Variants in HACE1 observed in about 807,000 individuals in gnomAD.
The protein encoded by HACE1 is HECT domain and ankyrin repeat containing E3 ubiquitin protein ligase 1.
HACE1 carries 73 observed loss-of-function variants against 118.4 expected under a neutral mutation model. That is an observed-to-expected ratio of 0.62 (90% CI 0.51 to 0.75). HACE1 has a LOEUF of 0.75. Ranked by LOEUF, HACE1 falls within the 30% of genes least tolerant of loss-of-function variation. HACE1 has a pLI of 0.00. For missense variants in HACE1, 749 were observed against 1,102.2 expected (o/e 0.68, Z 4.54); for synonymous variants, 368 against 374.8 (o/e 0.98, Z 0.21).
chr6:104,852,759 G>C (rs920959301), intron 1 of HACE1, among the ~76,000 whole-genome samples: 1 of 152,096 alleles, frequency 6.6e-6, no homozygotes, highest in Non-Finnish European at 1.5e-5. Context: ...TTCCAAAGAG[G>C]TATTTATAGG....
At chr6:104,803,472 A>G (rs560450194) in intron 7 of HACE1, among the ~76,000 whole-genome samples, 16 of 152,374 alleles carry the variant, frequency 1.1e-4, no homozygotes, top group African/African-American at 3.8e-4. Context: ...TCAATAAAAT[A>G]CCAGAAAACC....
At chr6:104,767,430 C>G (rs1477940215) in intron 19 of HACE1, among the ~76,000 whole-genome samples, 1 of 152,118 alleles carries the variant, frequency 6.6e-6, no homozygotes, top group Non-Finnish European at 1.5e-5. Context: ...CATGCTTCCC[C>G]AAACCAAAAT....
intron 5 of HACE1, among the ~76,000 whole-genome samples, chr6:104,834,928 A>G (rs1483959740): frequency 6.6e-6 from 1 of 152,244 alleles, no homozygotes; most frequent in African/African-American, 2.4e-5. Flanking sequence ...ATAGAATGCA[A>G]GAGGCTTGAA....
chr6:104,799,473 C>G (rs1421126694), intron 7 of HACE1, among the ~76,000 whole-genome samples: 1 of 152,186 alleles, frequency 6.6e-6, no homozygotes, highest in Non-Finnish European at 1.5e-5. Flanking sequence ...ATTCTGAGTG[C>G]TGCCTGATTC....
At chr6:104,799,466 C>G (rs1018773159) in intron 7 of HACE1, among the ~76,000 whole-genome samples, 1 of 152,206 alleles carries the variant, frequency 6.6e-6, no homozygotes, top group African/African-American at 2.4e-5. Flanking sequence ...GCTTCTGATT[C>G]TGAGTGCTGC....
intron 11 of HACE1, chr6:104,787,149 AACC>A (rs1448948462): frequency 2.6e-5 from 4 of 152,184 alleles, no homozygotes; most frequent in Non-Finnish European, 4.4e-5. Flanking sequence ...AAACCAACAA[AACC>A]ACCACTACTA....
In HACE1 at chr6:104,811,247, C is replaced by CATATATATATAT. The variant is rs3995559; in HGVS notation, c.617+52_617+63dup. On this transcript the variant is annotated intron_variant, in intron 7 of 23. Transcript: ENST00000262903. ...AAATATATATATTTCTTTATTTATACATATATATATATATATATATATATA... is the reference window on the plus strand; with the variant it reads ...AAATATATATATTTCTTTATTTATACATATATATATATATATATATATATATATATATATATA... The CATATATATATAT allele has an allele frequency of 6.7e-3, 1,401 of 208,110 alleles. 7 individuals are homozygous for CATATATATATAT. The highest frequency in any genetic ancestry group is 9.3e-3 in the Non-Finnish European group (1,055 of 113,036). 12.9% of individuals were successfully genotyped at this position (208,110 alleles called of 1,614,324 possible).
intron 7 of HACE1, among the ~76,000 whole-genome samples, chr6:104,802,305 C>T (rs1770465665): frequency 6.6e-6 from 1 of 152,120 alleles, no homozygotes. Context: ...ATAGACAGAT[C>T]AACATGACAG....
chr6:104,820,568 C>T (rs1772608559), intron 6 of HACE1, among the ~76,000 whole-genome samples: 1 of 152,014 alleles, frequency 6.6e-6, no homozygotes, highest in Non-Finnish European at 1.5e-5. Context: ...ATATAGGTGG[C>T]CAACAATCAT....
At chr6:104,819,404 A>C (rs1772453331) in intron 6 of HACE1, among the ~76,000 whole-genome samples, 1 of 152,240 alleles carries the variant, frequency 6.6e-6, no homozygotes, top group African/African-American at 2.4e-5. Flanking sequence ...AAACAAATGG[A>C]AAAACATCCC....
At chr6:104,848,669 T>C (rs893865954) in intron 4 of HACE1, among the ~76,000 whole-genome samples, 24 of 152,094 alleles carry the variant, frequency 1.6e-4, no homozygotes, top group African/African-American at 5.6e-4. Context: ...AAATAAACTG[T>C]GTACAATATA....
chr6:104,803,078 A>C (rs1770568265), intron 7 of HACE1, among the ~76,000 whole-genome samples: 1 of 152,232 alleles, frequency 6.6e-6, no homozygotes, highest in African/African-American at 2.4e-5. Flanking sequence ...AGAGAATACT[A>C]TAAACACCTC....
chr6:104,780,984 G>A (rs1781677482), intron 14 of HACE1, among the ~76,000 whole-genome samples: 1 of 152,004 alleles, frequency 6.6e-6, no homozygotes, highest in Non-Finnish European at 1.5e-5. Flanking sequence ...TAGATTTAAG[G>A]TGTGTATCCT....
intron 5 of HACE1, among the ~76,000 whole-genome samples, chr6:104,840,858 G>C (rs1209673213): frequency 1.3e-5 from 2 of 152,200 alleles, no homozygotes; most frequent in Non-Finnish European, 2.9e-5. Context: ...AGCTACTCAG[G>C]AGGCTGAAGC....
At chr6:104,804,373 T>A (rs1411201317) in intron 7 of HACE1, among the ~76,000 whole-genome samples, 2 of 152,192 alleles carry the variant, frequency 1.3e-5, no homozygotes, top group African/African-American at 4.8e-5. Flanking sequence ...ACTTTAAAGT[T>A]CATATGGAAC....
chr6:104,771,433 TC>T (rs778739360), intron 18 of HACE1, 44 bp from the exon 19 acceptor site: 5 of 1,286,350 alleles, frequency 3.9e-6, no homozygotes, highest in Non-Finnish European at 5.6e-6. Context: ...GGTTTTGCCT[TC>T]CCTTATCTAT....
At chr6:104,825,595 A>T (rs1773246182) in intron 6 of HACE1, among the ~76,000 whole-genome samples, 1 of 152,178 alleles carries the variant, frequency 6.6e-6, no homozygotes, top group African/African-American at 2.4e-5. Flanking sequence ...ATGTTTGCAT[A>T]GGGGTGTGAC....
chr6:104,811,247 CATATATATATATATAT>C, intron 7 of HACE1, 48 bp downstream of exon 7: 1 of 203,502 alleles, frequency 4.9e-6, no homozygotes, highest in Non-Finnish European at 9.0e-6. Context: ...TTTATTTATA[CATATATATATATATAT>C]ATATATATAT....
chr6:104,837,035 A>G lies in HACE1; in HGVS notation c.403-3862T>C, dbSNP rs78848522. On this transcript the variant is annotated intron_variant, in intron 5 of 23. Transcript: ENST00000262903. ...TGGAGATATACTGTGTTTATGGATT[A>G]AAAGACTCAATCAACACAGTAAAGA... Among the ~76,000 whole-genome samples the G allele has an allele frequency of 7.9e-4, 121 of 152,338 alleles. 1 individual carries two copies. Among genetic ancestry groups the G allele is most frequent in the African/African-American group, 2.8e-3 (116 of 41,582 alleles).
Sources: gnomAD v4.1 joint callset for allele counts (sites outside exome capture counted in the v4.1 genomes callset) on GRCh38, gnomAD v4.1.1 for gene constraint, MANE v1.5 for transcripts, NCBI Gene and HGNC (gene_info 2026-07-23, HGNC 2026-07-21) for gene names.